Variants in IGFBP7 observed in about 807,000 individuals in gnomAD.
IGFBP7 encodes the protein insulin like growth factor binding protein 7, also known as insulin-like growth factor-binding protein 7.
In IGFBP7, 31 loss-of-function variants were observed where a neutral mutation model predicts 29.4. The ratio of observed to expected loss-of-function variants is 1.05; its 90% CI spans 0.79 to 1.42. The LOEUF is 1.42. Among genes scored for constraint, IGFBP7 ranks in the 40% most tolerant of loss-of-function variants. IGFBP7 has a pLI of 0.00. For synonymous variants in IGFBP7, 172 were observed against 174.9 expected (o/e 0.98, Z 0.13); for missense variants, 393 against 395.5 (o/e 0.99, Z 0.05).
At chr4:57,040,987 G>A (rs769571657) in intron 1 of IGFBP7, 54 bp from the exon 2 acceptor site, 2 of 1,113,546 alleles carry the variant, frequency 1.8e-6, no homozygotes, top group Non-Finnish European at 2.8e-6. Context: ...CTTCACATGA[G>A]TCAGCATCTT....
intron 1 of IGFBP7, among the ~76,000 whole-genome samples, chr4:57,100,556 C>T (rs563234386): frequency 6.6e-6 from 1 of 152,194 alleles, no homozygotes; most frequent in Non-Finnish European, 1.5e-5. Flanking sequence ...TGTTATCATA[C>T]AGCATGTTTA....
chr4:57,078,993 G>C (rs1419257784), intron 1 of IGFBP7, among the ~76,000 whole-genome samples: 1 of 152,076 alleles, frequency 6.6e-6, no homozygotes, highest in East Asian at 1.9e-4. Flanking sequence ...CTCCTGCTGC[G>C]GTGGCTTGTT....
At chr4:57,050,334 C>G (rs1272766317) in intron 1 of IGFBP7, among the ~76,000 whole-genome samples, 1 of 151,218 alleles carries the variant, frequency 6.6e-6, no homozygotes, top group Non-Finnish European at 1.5e-5. Context: ...AACCTCTGCC[C>G]TGTGGGTTCA....
chr4:57,090,954 A>C (rs1464658518), intron 1 of IGFBP7, among the ~76,000 whole-genome samples: 1 of 152,240 alleles, frequency 6.6e-6, no homozygotes, highest in Non-Finnish European at 1.5e-5. Context: ...TGGTTATTTT[A>C]TTCAGCAGAG....
chr4:57,032,687 C>T, intron 3 of IGFBP7, 135 bp from the exon 4 acceptor site: 1 of 745,910 alleles, frequency 1.3e-6, no homozygotes, highest in East Asian at 2.6e-5. Context: ...AGAAGCAGTG[C>T]AAGTCCTGTG....
chr4:57,059,879 G>A (rs1724760407), intron 1 of IGFBP7, among the ~76,000 whole-genome samples: 1 of 152,124 alleles, frequency 6.6e-6, no homozygotes, highest in South Asian at 2.1e-4. Flanking sequence ...AATTCCTTAA[G>A]GGGAAATTCC....
chr4:57,048,257 C>T (rs950886927), intron 1 of IGFBP7, among the ~76,000 whole-genome samples: 1 of 151,966 alleles, frequency 6.6e-6, no homozygotes, highest in Non-Finnish European at 1.5e-5. Context: ...GACCGTGTTA[C>T]CCAGGATGGT....
intron 1 of IGFBP7, chr4:57,109,658 C>T: frequency 1.7e-6 from 1 of 594,798 alleles, no homozygotes; most frequent in Non-Finnish European, 2.8e-6. Flanking sequence ...ACGCAGCAAA[C>T]TCTCAAAATA....
At chr4:57,049,216 A>T (rs528684743) in intron 1 of IGFBP7, among the ~76,000 whole-genome samples, 1 of 152,332 alleles carries the variant, frequency 6.6e-6, no homozygotes, top group African/African-American at 2.4e-5. Flanking sequence ...AGAGCTGTGT[A>T]GAAGATATTA....
At chr4:57,050,536 C>T (rs78378810) in intron 1 of IGFBP7, among the ~76,000 whole-genome samples, 41,546 of 151,376 alleles carry the variant, frequency 0.27, 5,882 homozygotes, top group East Asian at 0.46. Context: ...TAAGCCACTG[C>T]ACCTGGCTTT....
intron 1 of IGFBP7, among the ~76,000 whole-genome samples, chr4:57,069,457 G>C (rs1383462214): frequency 1.3e-5 from 2 of 152,156 alleles, no homozygotes; most frequent in Non-Finnish European, 2.9e-5. Context: ...AAATTAGCCA[G>C]GTCTGGTGGC....
intron 1 of IGFBP7, among the ~76,000 whole-genome samples, chr4:57,084,349 T>C (rs1725444018): frequency 6.6e-6 from 1 of 152,132 alleles, no homozygotes; most frequent in Non-Finnish European, 1.5e-5. Flanking sequence ...TTAAAAAAAA[T>C]TCCTTTAGCC....
chr4:57,062,822 C>T lies in IGFBP7; in HGVS notation c.476-21889G>A, dbSNP rs561540245. On this transcript the variant is annotated intron_variant, in intron 1 of 4. Transcript: ENST00000295666. Reference sequence around the variant, plus strand: ...CACTCCTGGGTAGAGTCCAGCAATCCTTCTATTAGAGAAAATGTTTTCTCT... The same window carrying T: ...CACTCCTGGGTAGAGTCCAGCAATCTTTCTATTAGAGAAAATGTTTTCTCT... Among the ~76,000 whole-genome samples the T allele has an allele frequency of 3.7e-3, 556 of 152,254 alleles. 5 individuals are homozygous for T. Among genetic ancestry groups the T allele is most frequent in the African/African-American group, 0.013 (523 of 41,536 alleles).
At position 57,110,045 on chromosome 4, in the gene IGFBP7, C is replaced by T. The variant is rs1488258522; in HGVS notation, c.307G>A (p.Gly103Ser). 1.2e-5 allele frequency: 19 copies of T among 1,560,144 alleles called. No individual in the cohort carries two copies. The highest frequency in any genetic ancestry group is 1.8e-5 in the Admixed American group (1 of 54,452). ...RRKGKAGAAA[G>S]GPGVSGVCVC... ...CACACGCCGCTTACACCCGGACCGCCGGCTGCTGCCCCGGCTTTACCCTTC... is the reference window on the plus strand; with the variant it reads ...CACACGCCGCTTACACCCGGACCGCTGGCTGCTGCCCCGGCTTTACCCTTC... The change falls in exon 1 of 5, where the codon GGC becomes AGC. Residue 103 changes from glycine to serine, a missense_variant. By Grantham distance (56) the Gly-to-Ser change is moderately conservative (BLOSUM62 0). Coordinates refer to ENST00000295666, the MANE Select transcript of IGFBP7 (RefSeq NM_001553.3).
At chr4:57,049,543 A>G (rs954957992) in intron 1 of IGFBP7, among the ~76,000 whole-genome samples, 8 of 152,064 alleles carry the variant, frequency 5.3e-5, no homozygotes, top group African/African-American at 1.9e-4. Context: ...CTTATTTCTT[A>G]TCACACTTTA....
At chr4:57,068,746 G>A (rs1319264126) in intron 1 of IGFBP7, among the ~76,000 whole-genome samples, 18 of 152,208 alleles carry the variant, frequency 1.2e-4, no homozygotes, top group Admixed American at 1.0e-3. Flanking sequence ...TGAAGGCACC[G>A]AGGGAAGTGA....
In IGFBP7 at chr4:57,110,141, A is replaced by G; in HGVS notation, c.211T>C (p.Cys71Arg). Residue 71 changes from cysteine to arginine, a missense_variant, in exon 1 of 5, where the codon TGC (cysteine) becomes CGC (arginine). By Grantham distance (180) the Cys-to-Arg change is radical. Coordinates refer to ENST00000295666, the MANE Select transcript of IGFBP7 (RefSeq NM_001553.3). ...PMCARGEGEP[C>R]GGGGAGRGYC... ...CCCCTGCCGGCGCCGCCACCCCCGC[A>G]CGGCTCGCCCTCGCCGCGGGCGCAC... The G allele has an allele frequency of 6.7e-6, 10 of 1,488,508 alleles. No homozygotes were observed. Among genetic ancestry groups the G allele is most frequent in the Non-Finnish European group, 8.9e-6 (10 of 1,126,662 alleles). 92.2% of individuals were successfully genotyped at this position (1,488,508 alleles called of 1,614,324 possible). A position where few individuals can be genotyped will look rare whatever the true frequency, so the allele number is the denominator to read the frequency against.
At chr4:57,055,537 C>T (rs1036439753) in intron 1 of IGFBP7, among the ~76,000 whole-genome samples, 2 of 152,088 alleles carry the variant, frequency 1.3e-5, no homozygotes, top group Non-Finnish European at 2.9e-5. Context: ...CCAGTATTCA[C>T]GGAGAATTGA....
intron 1 of IGFBP7, among the ~76,000 whole-genome samples, chr4:57,049,468 C>T (rs753824360): frequency 2.0e-5 from 3 of 152,182 alleles, no homozygotes; most frequent in Non-Finnish European, 4.4e-5. Context: ...ATTACATGTT[C>T]ATTACCCCTT....
Sources: allele counts gnomAD v4.1 joint callset (sites outside exome capture counted in the v4.1 genomes callset), GRCh38; gene constraint gnomAD v4.1.1; transcripts MANE v1.5; gene names NCBI Gene and HGNC (gene_info 2026-07-23, HGNC 2026-07-21).